The following CTIF variants were observed in gnomAD, a reference collection of about 807,000 sequenced individuals.
CTIF encodes cap binding complex dependent translation initiation factor, also known as CBP80/20-dependent translation initiation factor.
A neutral mutation model predicts 66.0 loss-of-function variants in CTIF; 21 were observed. That is an observed-to-expected ratio of 0.32 (90% CI 0.23 to 0.46). The LOEUF (loss-of-function observed/expected upper bound fraction) is 0.46. Among genes scored for constraint, CTIF ranks in the 20% least tolerant of loss-of-function variants. The probability of loss-of-function intolerance (pLI) is 1.00; values close to 1 mark genes in which losing one functional copy is unlikely to be tolerated. For synonymous variants in CTIF, 345 were observed against 326.4 expected, an observed-to-expected ratio of 1.06 and a Z score of -0.62; for missense variants, 739 against 812.7, an observed-to-expected ratio of 0.91 and a Z score of 1.10.
chr18:48,576,040 G>A (rs987691543), intron 1 of CTIF, among the ~76,000 whole-genome samples: 3 of 152,264 alleles, frequency 2.0e-5, no homozygotes, highest in African/African-American at 4.8e-5. Flanking sequence ...GAGAGCCGCC[G>A]AAGAACAATG....
chr18:48,711,758 G>A lies in CTIF; in HGVS notation c.584+63G>A, dbSNP rs189504720. 49 of 1,402,514 alleles carry A rather than the reference G, an allele frequency of 3.5e-5. 1 individual carries two copies. Among genetic ancestry groups the A allele is most frequent in the African/African-American group, 2.3e-4 (16 of 70,714 alleles). 86.9% of individuals were successfully genotyped at this position (1,402,514 alleles called of 1,614,324 possible). ...TCCTGCTTCTGCCATCTGTAGCGAC[G>A]TCAGCTTTGGCCTGCATTTCGCTTT... On this transcript the variant is annotated intron_variant, in intron 7 of 11. Transcript: ENST00000256413.
chr18:48,699,972 C>T (rs1221832389), intron 6 of CTIF, among the ~76,000 whole-genome samples: 1 of 152,226 alleles, frequency 6.6e-6, no homozygotes, highest in Non-Finnish European at 1.5e-5. Context: ...CACACTGGCT[C>T]GGCAGATACT....
At chr18:48,690,441 CCT>C (rs1239683061) in intron 6 of CTIF, among the ~76,000 whole-genome samples, 1 of 152,132 alleles carries the variant, frequency 6.6e-6, no homozygotes, top group East Asian at 1.9e-4. Context: ...AAGACAAGCT[CCT>C]CTCATGCACG....
intron 6 of CTIF, among the ~76,000 whole-genome samples, chr18:48,682,502 G>A (rs2091764261): frequency 6.6e-6 from 1 of 152,202 alleles, no homozygotes; most frequent in South Asian, 2.1e-4. Context: ...ACTGATGCGT[G>A]CAACAGTTGG....
At chr18:48,734,640 G>A (rs2092484155) in intron 7 of CTIF, among the ~76,000 whole-genome samples, 2 of 152,188 alleles carry the variant, frequency 1.3e-5, no homozygotes, top group Non-Finnish European at 2.9e-5. Flanking sequence ...CATCATCACG[G>A]CAACATTCTG....
At chr18:48,659,564 C>T (rs2091307213) in intron 3 of CTIF, among the ~76,000 whole-genome samples, 1 of 152,224 alleles carries the variant, frequency 6.6e-6, no homozygotes, top group African/African-American at 2.4e-5. Flanking sequence ...AAAGGGCTCA[C>T]CTTGCTGGCA....
chr18:48,769,766 A>G lies in CTIF; in HGVS notation c.1371+8077A>G, dbSNP rs375685780. Among the ~76,000 whole-genome samples, 49 of 152,352 alleles carry G rather than the reference A, an allele frequency of 3.2e-4. 1 individual carries two copies. In the South Asian group the frequency reaches 9.9e-3, roughly 31 times the overall value. ...TCTGCACTTGCTTTGGGATGAGTAA[A>G]TATGACCTGCTTTTCTCCAATCTTT... On this transcript the variant is annotated intron_variant, in intron 9 of 11. Transcript: ENST00000256413.
chr18:48,588,287 C>A (rs2089815030), intron 1 of CTIF, among the ~76,000 whole-genome samples: 2 of 152,224 alleles, frequency 1.3e-5, no homozygotes, highest in South Asian at 4.1e-4. Context: ...TTCCCCAGAA[C>A]CCATTCTCTG....
chr18:48,663,376 C>A (rs954885797), intron 3 of CTIF, among the ~76,000 whole-genome samples: 2 of 152,100 alleles, frequency 1.3e-5, no homozygotes, highest in Non-Finnish European at 2.9e-5. Context: ...TCCATGGGCT[C>A]CCCAGTGGGC....
intron 10 of CTIF, among the ~76,000 whole-genome samples, chr18:48,840,736 C>T (rs1448080611): frequency 2.6e-5 from 4 of 152,084 alleles, no homozygotes; most frequent in East Asian, 1.9e-4. Context: ...TAATTGTCTC[C>T]GGCCCAGCTG....
At chr18:48,746,177 G>C (rs1016336558) in intron 7 of CTIF, among the ~76,000 whole-genome samples, 2 of 152,156 alleles carry the variant, frequency 1.3e-5, no homozygotes, top group African/African-American at 4.8e-5. Context: ...CTTCACGTAG[G>C]GGCCTTTCCC....
At chr18:48,549,748 G>A (rs1034055168) in intron 1 of CTIF, among the ~76,000 whole-genome samples, 2 of 152,168 alleles carry the variant, frequency 1.3e-5, no homozygotes, top group African/African-American at 4.8e-5. Flanking sequence ...AAACGGGTCA[G>A]TACCCATGCC....
rs916891325 is a variant in CTIF, at chr18:48,846,795, A to G, written c.1528-10793A>G. On this transcript the variant is annotated intron_variant, in intron 10 of 11. Transcript: ENST00000256413. ...GATGAATGGATGGATGGATGGATAG[A>G]TACATGGATGAAAGGATGGATGGAT... Among the ~76,000 whole-genome samples the G allele has an allele frequency of 2.0e-5, 3 of 151,118 alleles. No homozygotes were observed. The South Asian group carries it at 6.3e-4, about 32-fold the overall frequency.
chr18:48,846,598 A>ATGG (rs1568265808), intron 10 of CTIF, among the ~76,000 whole-genome samples: 66 of 141,424 alleles, frequency 4.7e-4, no homozygotes, highest in African/African-American at 1.6e-3. Flanking sequence ...TGGGTGGATG[A>ATGG]ATGGATGGAT....
intron 1 of CTIF, among the ~76,000 whole-genome samples, chr18:48,600,493 G>A (rs1260981652): frequency 6.6e-6 from 1 of 152,076 alleles, no homozygotes; most frequent in Non-Finnish European, 1.5e-5. Flanking sequence ...TTGCCACTCT[G>A]GGGATGTCCT....
At chr18:48,712,284 G>A (rs537442294) in intron 7 of CTIF, among the ~76,000 whole-genome samples, 2 of 152,302 alleles carry the variant, frequency 1.3e-5, no homozygotes, top group African/African-American at 4.8e-5. Flanking sequence ...AGACTCCCGA[G>A]TGACAATGGG....
intron 10 of CTIF, among the ~76,000 whole-genome samples, chr18:48,823,477 T>C (rs2068523759): frequency 6.6e-6 from 1 of 152,226 alleles, no homozygotes; most frequent in African/African-American, 2.4e-5. Flanking sequence ...ACTGTAAATG[T>C]GTGGATTTAT....
intron 5 of CTIF, among the ~76,000 whole-genome samples, chr18:48,665,832 T>C (rs2091427279): frequency 2.0e-5 from 3 of 152,240 alleles, no homozygotes; most frequent in Non-Finnish European, 2.9e-5. Flanking sequence ...TGAATACTAG[T>C]CCATTGTATG....
chr18:48,744,320 G>C (rs545371608), intron 7 of CTIF, among the ~76,000 whole-genome samples: 1 of 152,178 alleles, frequency 6.6e-6, no homozygotes, highest in African/African-American at 2.4e-5. Flanking sequence ...TGCCTGGTGC[G>C]TAAGAAATTG....
Sources: gnomAD v4.1 joint callset for allele counts (sites outside exome capture counted in the v4.1 genomes callset) on GRCh38, gnomAD v4.1.1 for gene constraint, MANE v1.5 for transcripts, NCBI Gene and HGNC (gene_info 2026-07-23, HGNC 2026-07-21) for gene names.